Variants in MAML3 observed in about 807,000 individuals in gnomAD.
MAML3 encodes mastermind like transcriptional coactivator 3.
Under a neutral mutation model 101.9 loss-of-function variants are expected in MAML3, and 27 were observed. That is an observed-to-expected ratio of 0.27 (90% CI 0.20 to 0.37). The LOEUF (loss-of-function observed/expected upper bound fraction) is 0.37, where lower values mean the gene tolerates loss of function less well. Among genes scored for constraint, MAML3 ranks in the 10% least tolerant of loss-of-function variants. The pLI, the probability that MAML3 is intolerant of heterozygous loss-of-function variation, is 1.00. For synonymous variants in MAML3, 501 were observed against 555.9 expected (o/e 0.90, Z 1.39); for missense variants, 1,316 against 1,444.9 (o/e 0.91, Z 1.45).
intron 1 of MAML3, among the ~76,000 whole-genome samples, chr4:139,938,483 A>G (rs1290589815): frequency 6.6e-6 from 1 of 152,216 alleles, no homozygotes; most frequent in African/African-American, 2.4e-5. Context: ...AGATCAGACA[A>G]TCAGAAAACA....
At position 139,719,980 on chromosome 4, in the gene MAML3, C is replaced by T. The variant is rs755079317; in HGVS notation, c.2760G>A (p.Leu920=). The T allele has an allele frequency of 6.2e-7, 1 of 1,614,080 alleles. No individual in the cohort carries two copies. The highest frequency in any genetic ancestry group is 2.2e-5 in the East Asian group (1 of 44,890). ...GMVSGFGQSM[L]VNSAITQQHP... ...GTTGCTGGGTAATGGCTGAGTTCACCAGCATGCTCTGACCAAAGCCACTCA... is the reference window on the plus strand; with the variant it reads ...GTTGCTGGGTAATGGCTGAGTTCACTAGCATGCTCTGACCAAAGCCACTCA... Residue 920 remains leucine, a synonymous_variant, in exon 5 of 5, where the codon CTG becomes CTA. Coordinates refer to ENST00000509479, the MANE Select transcript of MAML3 (RefSeq NM_018717.5).
intron 1 of MAML3, among the ~76,000 whole-genome samples, chr4:139,980,535 T>G (rs1734426136): frequency 2.0e-5 from 3 of 152,212 alleles, no homozygotes; most frequent in Admixed American, 2.0e-4. Context: ...CTGATTGTAG[T>G]CTGCTCACCC....
Position 139,928,440 on chromosome 4 carries a change from A to G in MAML3, c.469-37473T>C, listed in dbSNP as rs150438060. On this transcript the variant is annotated intron_variant, in intron 1 of 4. Coordinates refer to ENST00000509479, the MANE Select transcript of MAML3 (RefSeq NM_018717.5). ...TATTAAAAGAATACAGAGAGTAAGG[A>G]CTGTTTGGAGAAACAACTAAATTGC... Among the ~76,000 whole-genome samples the G allele has an allele frequency of 2.9e-3, 446 of 152,322 alleles. 3 individuals are homozygous for G. Among genetic ancestry groups the G allele is most frequent in the Non-Finnish European group, 4.2e-3 (287 of 68,030 alleles).
At chr4:139,864,708 A>AATC (rs1352065317) in intron 2 of MAML3, among the ~76,000 whole-genome samples, 1 of 149,586 alleles carries the variant, frequency 6.7e-6, no homozygotes, top group Non-Finnish European at 1.5e-5. Context: ...AAGAAAAAGA[A>AATC]ATCTTGAATG....
chr4:139,828,732 T>TAAAAAAAA (rs529918429), intron 2 of MAML3, among the ~76,000 whole-genome samples: 155 of 144,488 alleles, frequency 1.1e-3, no homozygotes, highest in African/African-American at 2.1e-3. Context: ...TTTTTTTTTT[T>TAAAAAAAA]AAAAACATAG....
At chr4:139,932,977 CTGGAAACACA>C (rs1733430819) in intron 1 of MAML3, among the ~76,000 whole-genome samples, 1 of 152,152 alleles carries the variant, frequency 6.6e-6, no homozygotes, top group Non-Finnish European at 1.5e-5. Context: ...ACAAGTTTAT[CTGGAAACACA>C]GGGAAACATA....
chr4:139,999,052 A>G (rs1461749635), intron 1 of MAML3, among the ~76,000 whole-genome samples: 1 of 152,174 alleles, frequency 6.6e-6, no homozygotes, highest in East Asian at 1.9e-4. Context: ...GCTTTCCACT[A>G]GACTCTTCCT....
At chr4:139,902,074 T>C (rs1732733423) in intron 1 of MAML3, among the ~76,000 whole-genome samples, 1 of 152,194 alleles carries the variant, frequency 6.6e-6, no homozygotes. Context: ...TCTTACTCGA[T>C]AAAAAGCCTC....
chr4:140,143,936 G>A (rs576096081), intron 1 of MAML3, among the ~76,000 whole-genome samples: 2 of 152,252 alleles, frequency 1.3e-5, no homozygotes, highest in Admixed American at 6.5e-5. Flanking sequence ...GCCTCTCTCT[G>A]CTCTTCAAGT....
chr4:139,731,423 C>A (rs1451268657), intron 2 of MAML3: 1 of 113,498 alleles, frequency 8.8e-6, no homozygotes, highest in African/African-American at 3.5e-5. Flanking sequence ...GATGGTGAAA[C>A]CCTGTCTCTA....
intron 1 of MAML3, among the ~76,000 whole-genome samples, chr4:140,069,399 G>C (rs1453580814): frequency 9.3e-6 from 1 of 107,546 alleles, no homozygotes; most frequent in African/African-American, 3.8e-5. Context: ...GGAGGAGGAG[G>C]AGGAGGAGGA....
At chr4:140,063,737 A>T (rs1193487280) in intron 1 of MAML3, among the ~76,000 whole-genome samples, 3 of 152,142 alleles carry the variant, frequency 2.0e-5, no homozygotes, top group Non-Finnish European at 4.4e-5. Context: ...GACCATCTGG[A>T]ACACTATAAA....
chr4:140,051,229 G>A (rs1727262026), intron 1 of MAML3, among the ~76,000 whole-genome samples: 1 of 152,096 alleles, frequency 6.6e-6, no homozygotes, highest in South Asian at 2.1e-4. Context: ...CATCTTAAAG[G>A]TGTCAAGAGC....
intron 2 of MAML3, among the ~76,000 whole-genome samples, chr4:139,851,563 C>T (rs1389470833): frequency 3.3e-5 from 5 of 152,174 alleles, no homozygotes; most frequent in Non-Finnish European, 5.9e-5. Context: ...TCATTATTTC[C>T]GTTTTCTAAA....
chr4:139,942,331 C>T (rs147593170), intron 1 of MAML3, among the ~76,000 whole-genome samples: 223 of 152,254 alleles, frequency 1.5e-3, no homozygotes, highest in African/African-American at 5.0e-3. Context: ...CCACTTACAG[C>T]GTCATGTCAT....
intron 1 of MAML3, among the ~76,000 whole-genome samples, chr4:140,040,903 C>T (rs1727075822): frequency 6.6e-6 from 1 of 152,112 alleles, no homozygotes; most frequent in African/African-American, 2.4e-5. Flanking sequence ...TTTAATTCAA[C>T]TCAAGTCCCT....
At chr4:140,145,125 T>C (rs1273808384) in intron 1 of MAML3, among the ~76,000 whole-genome samples, 2 of 152,214 alleles carry the variant, frequency 1.3e-5, no homozygotes, top group Admixed American at 1.3e-4. Context: ...TAGAAGCCCC[T>C]GTCCAGACGT....
chr4:139,781,508 C>CATATATATATATATATATATATATATAT lies in MAML3; in HGVS notation c.2080-50842_2080-50841insATATATATATATATATATATATATATAT, dbSNP rs10568513. ...TCTTCTAATGATCGCAGAGCATTTT[C>CATATATATATATATATATATATATATAT]ATATATATATATATATATATATAGT... On this transcript the variant is annotated intron_variant, in intron 2 of 4. Transcript: ENST00000509479. Among the ~76,000 whole-genome samples, 497 of 136,590 alleles carry CATATATATATATATATATATATATATAT rather than the reference C, an allele frequency of 3.6e-3. 9 individuals are homozygous for CATATATATATATATATATATATATATAT. Among genetic ancestry groups the CATATATATATATATATATATATATATAT allele is most frequent in the Middle Eastern group, 0.012 (3 of 258 alleles). The allele number at this position is 136,590 out of a possible 152,430, so 89.6% of individuals were successfully genotyped here.
intron 1 of MAML3, among the ~76,000 whole-genome samples, chr4:139,896,607 G>GGTGTGTGTGTGT (rs113274639): frequency 0.013 from 1,845 of 144,734 alleles, 35 homozygotes; most frequent in African/African-American, 0.039. Flanking sequence ...CTGTGAAACT[G>GGTGTGTGTGTGT]GTGTGTGTGT....
Sources: gnomAD v4.1 joint callset for allele counts (sites outside exome capture counted in the v4.1 genomes callset) on GRCh38, gnomAD v4.1.1 for gene constraint, MANE v1.5 for transcripts, NCBI Gene and HGNC (gene_info 2026-07-23, HGNC 2026-07-21) for gene names.